The following EDNRB variants were observed in gnomAD, a reference collection of about 807,000 sequenced individuals.
EDNRB encodes the protein endothelin receptor type B.
Under a neutral mutation model 46.4 loss-of-function variants are expected in EDNRB, and 18 were observed. The observed-to-expected ratio is 0.39, with a 90% CI of 0.27 to 0.57. EDNRB has a LOEUF of 0.57. Ranked by LOEUF, EDNRB falls within the 20% of genes least tolerant of loss-of-function variation. The pLI is 0.61. For synonymous variants in EDNRB, 213 were observed against 204.9 expected, an observed-to-expected ratio of 1.04 and a Z score of -0.34; for missense variants, 434 against 537.5, an observed-to-expected ratio of 0.81 and a Z score of 1.90.
rs985339281 is a variant in EDNRB, at chr13:77,927,914, A to G, written c.-51-9290T>C. On this transcript the variant is annotated intron_variant, in intron 1 of 7. Coordinates refer to the EDNRB transcript ENST00000646948. ...GAGTTTTTCCCATGCTGTTCTCATG[A>G]TAATGAATAAGTCTCATGAGATCTG... Among the ~76,000 whole-genome samples the G allele has an allele frequency of 3.3e-5, 5 of 152,318 alleles. No homozygotes were observed. The East Asian group carries it at 7.7e-4, about 24-fold the overall frequency.
chr13:77,932,796 C>A (rs1880442860), intron 1 of EDNRB, among the ~76,000 whole-genome samples: 1 of 152,198 alleles, frequency 6.6e-6, no homozygotes, highest in Non-Finnish European at 1.5e-5. Flanking sequence ...TTCTTTCAAT[C>A]CCATTTTAAA....
At chr13:77,940,698 TGG>T (rs1274588517) in intron 1 of EDNRB, among the ~76,000 whole-genome samples, 29 of 132,078 alleles carry the variant, frequency 2.2e-4, no homozygotes, top group Admixed American at 6.5e-4. Context: ...AAAGATGAAT[TGG>T]GTGTGTGTGT....
chr13:77,950,608 C>T (rs1594392786), intron 1 of EDNRB, among the ~76,000 whole-genome samples: 1 of 152,210 alleles, frequency 6.6e-6, no homozygotes, highest in Non-Finnish European at 1.5e-5. Context: ...AGCATGCACA[C>T]ACCTGCTGCA....
In EDNRB at chr13:77,898,141, T is replaced by C; in HGVS notation, c.*59A>G. ...GTTTTGTTTTGGCAAATGTTTCATT[T>C]TGTTTTAATGACTTCGGTCCAATAT... is the stretch of plus-strand genomic sequence containing the variant. On this transcript the variant is annotated 3_prime_UTR_variant, in exon 7 of 7. Transcript: ENST00000646607. 1 of 1,591,312 alleles carries C rather than the reference T, an allele frequency of 6.3e-7. No homozygotes were observed. Among genetic ancestry groups the C allele is most frequent in the East Asian group, 2.3e-5 (1 of 44,256 alleles).
upstream of EDNRB, among the ~76,000 whole-genome samples, chr13:77,923,811 T>C (rs1880155850): frequency 6.6e-6 from 1 of 151,928 alleles, no homozygotes; most frequent in Non-Finnish European, 1.5e-5. Context: ...GTAAAAGTTA[T>C]TTGTAGTACA....
intron 1 of EDNRB, among the ~76,000 whole-genome samples, chr13:77,913,524 A>T (rs1879677171): frequency 1.3e-5 from 2 of 152,280 alleles, no homozygotes; most frequent in South Asian, 4.1e-4. Context: ...TTTAAATGCA[A>T]TTTCTTTACA....
chr13:77,940,546 A>G (rs1880713197), intron 1 of EDNRB, among the ~76,000 whole-genome samples: 1 of 152,328 alleles, frequency 6.6e-6, no homozygotes, highest in East Asian at 1.9e-4. Context: ...AGTCTGGCAA[A>G]GTAGACGTGG....
At chr13:77,916,092 A>G (rs879753003) in intron 1 of EDNRB, among the ~76,000 whole-genome samples, 1 of 152,188 alleles carries the variant, frequency 6.6e-6, no homozygotes, top group Non-Finnish European at 1.5e-5. Flanking sequence ...CCCACCTTCT[A>G]CACAGCACTT....
intron 1 of EDNRB, among the ~76,000 whole-genome samples, chr13:77,927,338 A>G (rs1439366714): frequency 1.3e-5 from 2 of 152,144 alleles, no homozygotes; most frequent in Non-Finnish European, 1.5e-5. Flanking sequence ...CTTGTTCTAG[A>G]TTAACACAGT....
chr13:77,967,249 C>CT (rs1018032271), intron 1 of EDNRB, among the ~76,000 whole-genome samples: 3 of 152,042 alleles, frequency 2.0e-5, no homozygotes, highest in Admixed American at 6.6e-5. Flanking sequence ...CATCCCCAAC[C>CT]TTTTTTTGTC....
intron 1 of EDNRB, among the ~76,000 whole-genome samples, chr13:77,935,502 A>G (rs890286530): frequency 1.3e-5 from 2 of 152,244 alleles, no homozygotes; most frequent in Non-Finnish European, 2.9e-5. Context: ...CCAGGTATCT[A>G]AAGTCGAAAG....
At chr13:77,914,802 C>T (rs1248487833) in intron 1 of EDNRB, among the ~76,000 whole-genome samples, 1 of 152,210 alleles carries the variant, frequency 6.6e-6, no homozygotes, top group Non-Finnish European at 1.5e-5. Flanking sequence ...CCACCAATTC[C>T]ACAGCCTGAA....
In EDNRB at chr13:77,896,984, C is replaced by T. The variant is rs986968040; in HGVS notation, c.*1216G>A. On this transcript the variant is annotated 3_prime_UTR_variant, in exon 7 of 7. Coordinates refer to ENST00000646607, the MANE Select transcript of EDNRB (RefSeq NM_001122659.3). Reference sequence around the variant, plus strand: ...CTATTGGCTATTTACAAAAATAATACAAAAATTAGTAATAAGCTTTACAGG... The same window carrying T: ...CTATTGGCTATTTACAAAAATAATATAAAAATTAGTAATAAGCTTTACAGG... The T allele has an allele frequency of 3.0e-6, 3 of 991,310 alleles. No individual in the cohort carries two copies. The highest frequency in any genetic ancestry group is 3.6e-6 in the Non-Finnish European group (3 of 834,128). 61.4% of individuals were successfully genotyped at this position (991,310 alleles called of 1,614,324 possible). A position where few individuals can be genotyped will look rare whatever the true frequency, so the allele number is the denominator to read the frequency against.
intron 1 of EDNRB, among the ~76,000 whole-genome samples, chr13:77,974,810 C>T (rs1449750901): frequency 2.0e-5 from 3 of 152,062 alleles, no homozygotes; most frequent in Non-Finnish European, 4.4e-5. Flanking sequence ...GATGGCCAAC[C>T]TACCTCTAAT....
At chr13:77,919,291 G>C (rs1396439835), upstream of EDNRB, 1 of 1,230,370 alleles carries the variant, frequency 8.1e-7, no homozygotes, top group African/African-American at 1.5e-5. Flanking sequence ...CCTCTCTATA[G>C]GCTTAATTTT....
chr13:77,951,736 T>G (rs1184140055), intron 1 of EDNRB, among the ~76,000 whole-genome samples: 1 of 152,146 alleles, frequency 6.6e-6, no homozygotes, highest in African/African-American at 2.4e-5. Context: ...CCTCTCAAGT[T>G]GGGCCTCTAA....
intron 1 of EDNRB, among the ~76,000 whole-genome samples, chr13:77,905,607 T>C (rs1283637953): frequency 6.6e-6 from 1 of 151,964 alleles, no homozygotes; most frequent in Non-Finnish European, 1.5e-5. Flanking sequence ...AAAATGGTGT[T>C]AAACAGAGGC....
chr13:77,956,533 C>T lies in EDNRB; in HGVS notation c.-52+18814G>A, dbSNP rs141859803. Among the ~76,000 whole-genome samples the T allele has an allele frequency of 2.7e-4, 41 of 152,194 alleles. No homozygotes were observed. The East Asian group carries it at 5.8e-3, about 22-fold the overall frequency. ...CCTAATTTGGAGTTCCAAAACTTTACGGAACATAAGTGGCAAAAGTGGGCA... is the reference window on the plus strand; with the variant it reads ...CCTAATTTGGAGTTCCAAAACTTTATGGAACATAAGTGGCAAAAGTGGGCA... On this transcript the variant is annotated intron_variant, in intron 1 of 7. Transcript: ENST00000646948.
Position 77,897,314 on chromosome 13 carries a change from G to C in EDNRB, c.*886C>G, listed in dbSNP as rs201833034. On this transcript the variant is annotated 3_prime_UTR_variant, in exon 7 of 7. Coordinates refer to ENST00000646607, the MANE Select transcript of EDNRB (RefSeq NM_001122659.3). The stretch of plus-strand genomic sequence containing the variant: ...TTAAGCTACGATAGTGAAAGAAGAA[G>C]ATTTTAATAATCCTGAAAAAATTGT... The C allele has an allele frequency of 3.6e-5, 35 of 985,094 alleles. No homozygotes were observed. The highest frequency in any genetic ancestry group is 4.1e-5 in the Non-Finnish European group (34 of 829,860). 61.0% of individuals were successfully genotyped at this position (985,094 alleles called of 1,614,324 possible).
Sources: gnomAD v4.1 joint callset for allele counts (sites outside exome capture counted in the v4.1 genomes callset) on GRCh38, gnomAD v4.1.1 for gene constraint, MANE v1.5 for transcripts, NCBI Gene and HGNC (gene_info 2026-07-23, HGNC 2026-07-21) for gene names.